PAM: variants seen among roughly 807,000 people sequenced by gnomAD.
PAM encodes the protein peptidylglycine alpha-amidating monooxygenase.
PAM carries 72 observed loss-of-function variants against 122.1 expected under a neutral mutation model. The ratio of observed to expected loss-of-function variants is 0.59; its 90% CI spans 0.49 to 0.72. The LOEUF (loss-of-function observed/expected upper bound fraction) is 0.72. Ranked by LOEUF, PAM falls within the 30% of genes least tolerant of loss-of-function variation. The probability of loss-of-function intolerance (pLI) is 0.00; values close to 1 mark genes in which losing one functional copy is unlikely to be tolerated. For missense variants in PAM, 1,106 were observed against 1,183.7 expected, an observed-to-expected ratio of 0.93 and a Z score of 0.96; for synonymous variants, 389 against 404.4, an observed-to-expected ratio of 0.96 and a Z score of 0.46.
chr5:103,011,938 T>C (rs946948035), intron 21 of PAM, among the ~76,000 whole-genome samples: 2 of 152,236 alleles, frequency 1.3e-5, no homozygotes, highest in Non-Finnish European at 2.9e-5. Flanking sequence ...CACCTGACTT[T>C]TGGATGAAAG....
chr5:103,009,806 A>G lies in PAM; in HGVS notation c.2271A>G (p.Gln757=). The G allele has an allele frequency of 6.2e-7, 1 of 1,612,722 alleles. No homozygotes were observed. Among genetic ancestry groups the G allele is most frequent in the Non-Finnish European group, 8.5e-7 (1 of 1,178,930 alleles). ...ATTTTGGGGACCAAGAACCTGTACA[A>G]GGATTTGTGATGAACTTTTCCAATG... ...KPHFGDQEPV[Q]GFVMNFSNGE... Residue 757 remains glutamine, a synonymous_variant, in exon 21 of 26, where the codon CAA becomes CAG. Coordinates refer to ENST00000438793, the MANE Select transcript of PAM (RefSeq NM_001177306.2).
chr5:103,010,549 G>C (rs949790200), intron 21 of PAM, among the ~76,000 whole-genome samples: 2 of 152,122 alleles, frequency 1.3e-5, no homozygotes, highest in African/African-American at 4.8e-5. Context: ...TGTGCTTGGA[G>C]TATATGAAAT....
intron 3 of PAM, among the ~76,000 whole-genome samples, chr5:102,887,038 C>G (rs1359646620): frequency 6.6e-6 from 1 of 151,968 alleles, no homozygotes; most frequent in Non-Finnish European, 1.5e-5. Context: ...TGCAGAGTGC[C>G]AGGTACTTAG....
At chr5:102,786,345 A>G (rs1760526141) in intron 1 of PAM, among the ~76,000 whole-genome samples, 1 of 152,220 alleles carries the variant, frequency 6.6e-6, no homozygotes, top group African/African-American at 2.4e-5. Flanking sequence ...GGCTTTTTGT[A>G]AGCATTGAAT....
intron 4 of PAM, among the ~76,000 whole-genome samples, chr5:102,908,254 C>G (rs1307819654): frequency 4.0e-5 from 6 of 151,738 alleles, no homozygotes; most frequent in Non-Finnish European, 8.8e-5. Flanking sequence ...GCTTGTTTTT[C>G]TCAGGTTTGT....
Position 102,866,550 on chromosome 5 carries a change from A to G in PAM, c.89+266A>G, listed in dbSNP as rs1785624416. The stretch of plus-strand genomic sequence containing the variant: ...CTCTGGGGGAGGTATTTCAGGAACT[A>G]CAATATATTCGCTTAGTTTTGAATG... On this transcript the variant is annotated intron_variant, in intron 2 of 25. Transcript: ENST00000438793. 4.5e-5 allele frequency: 21 copies of G among 470,518 alleles called. No individual in the cohort carries two copies. The South Asian group carries it at 5.2e-4, about 12-fold the overall frequency. 29.1% of individuals were successfully genotyped at this position (470,518 alleles called of 1,614,324 possible). A position where few individuals can be genotyped will look rare whatever the true frequency, so the allele number is the denominator to read the frequency against.
chr5:102,950,058 C>A (rs1256878547), intron 11 of PAM, 80 bp downstream of exon 11: 1 of 778,198 alleles, frequency 1.3e-6, no homozygotes, highest in South Asian at 1.5e-5. Flanking sequence ...TTATGCAACT[C>A]TTGTGAATTT....
chr5:102,917,084 T>A (rs1285995131), intron 5 of PAM, among the ~76,000 whole-genome samples: 2 of 152,104 alleles, frequency 1.3e-5, no homozygotes, highest in East Asian at 3.9e-4. Context: ...TATCTTCCAA[T>A]ATTTGGCAAA....
intron 5 of PAM, 118 bp from the exon 6 acceptor site, chr5:102,924,839 A>G (rs1748862645): frequency 7.7e-6 from 5 of 646,736 alleles, no homozygotes; most frequent in Admixed American, 2.3e-5. Flanking sequence ...TCATGCAATG[A>G]TGATATATTG....
chr5:103,015,638 T>C (rs1781756268), intron 21 of PAM, among the ~76,000 whole-genome samples: 1 of 152,114 alleles, frequency 6.6e-6, no homozygotes, highest in Non-Finnish European at 1.5e-5. Context: ...TAATGAGTCT[T>C]CATAATGAGC....
intron 1 of PAM, among the ~76,000 whole-genome samples, chr5:102,850,138 A>G (rs1319075811): frequency 6.6e-6 from 1 of 152,172 alleles, no homozygotes; most frequent in Non-Finnish European, 1.5e-5. Flanking sequence ...TTTACTAAGT[A>G]TGTCAATGTG....
intron 21 of PAM, 56 bp downstream of exon 21, chr5:103,009,922 A>T: frequency 2.3e-6 from 2 of 880,058 alleles, no homozygotes; most frequent in Non-Finnish European, 3.5e-6. Flanking sequence ...CTAAAATATA[A>T]ATCTTGGCAT....
intron 16 of PAM, among the ~76,000 whole-genome samples, chr5:102,994,054 A>G (rs1488385953): frequency 2.0e-5 from 3 of 152,088 alleles, no homozygotes; most frequent in Non-Finnish European, 4.4e-5. Context: ...AGAAAAAGGT[A>G]AGGTTTCATT....
intron 24 of PAM, among the ~76,000 whole-genome samples, chr5:103,027,791 T>C (rs150967908): frequency 2.1e-4 from 32 of 152,294 alleles, no homozygotes; most frequent in Non-Finnish European, 3.4e-4. Context: ...TAATAACATT[T>C]CCTGATTAAA....
At chr5:102,981,584 C>T (rs923662545) in intron 15 of PAM, among the ~76,000 whole-genome samples, 2 of 152,150 alleles carry the variant, frequency 1.3e-5, no homozygotes, top group Non-Finnish European at 2.9e-5. Context: ...GTAAGTAGGC[C>T]AGGCCCTGTG....
intron 1 of PAM, among the ~76,000 whole-genome samples, chr5:102,758,073 GTTTTTTTTTTTTTTTTTTTT>G (rs1168917285): frequency 8.1e-4 from 20 of 24,828 alleles, no homozygotes; most frequent in South Asian, 1.8e-3. Context: ...TTAGAATTTT[GTTTTTTTTTTTTTTTTTTTT>G]TTTTTTTTTT....
At chr5:102,813,941 A>T (rs1430901788) in intron 1 of PAM, among the ~76,000 whole-genome samples, 3 of 152,206 alleles carry the variant, frequency 2.0e-5, no homozygotes, top group Non-Finnish European at 4.4e-5. Context: ...GGGACTAGCC[A>T]GATTGAAAAG....
chr5:102,949,937 C>A lies in PAM; in HGVS notation c.760C>A (p.Gln254Lys). The part of the protein sequence containing the change: ...VVSGYRVRNG[Q>K]WTLIGRQSPQ... The stretch of plus-strand genomic sequence containing the variant: ...AAGTGGATACAGAGTAAGAAATGGA[C>A]AGTGGACACTGATTGGACGGCAGAG... The change falls in exon 11 of 26, where the codon CAG (glutamine) becomes AAG (lysine). Residue 254 changes from glutamine to lysine, a missense_variant. Transcript: ENST00000438793. 6.3e-7 allele frequency: 1 copy of A among 1,590,520 alleles called. No individual in the cohort carries two copies. The highest frequency in any genetic ancestry group is 8.6e-7 in the Non-Finnish European group (1 of 1,159,420).
At chr5:102,858,722 A>G (rs902129400) in intron 1 of PAM, among the ~76,000 whole-genome samples, 75 of 152,328 alleles carry the variant, frequency 4.9e-4, no homozygotes, top group African/African-American at 1.8e-3. Context: ...GTGAAAATTA[A>G]AAGACTACAA....
Sources: allele counts gnomAD v4.1 joint callset (sites outside exome capture counted in the v4.1 genomes callset), GRCh38; gene constraint gnomAD v4.1.1; transcripts MANE v1.5; gene names NCBI Gene and HGNC (gene_info 2026-07-23, HGNC 2026-07-21).